The following ZNF660 variants were observed in gnomAD, a reference collection of about 807,000 sequenced individuals.
ZNF660 encodes the protein zinc finger protein 660.
Under a neutral mutation model 23.2 loss-of-function variants are expected in ZNF660, and 24 were observed. That is an observed-to-expected ratio of 1.04 (90% CI 0.75 to 1.46). The LOEUF is 1.46. ZNF660 is among the 40% of genes most tolerant of loss of function. ZNF660 has a pLI of 0.00. For synonymous variants in ZNF660, 117 were observed against 131.4 expected, an observed-to-expected ratio of 0.89 and a Z score of 0.75; for missense variants, 373 against 396.8, an observed-to-expected ratio of 0.94 and a Z score of 0.51.
intron 2 of ZNF660, among the ~76,000 whole-genome samples, chr3:44,587,716 T>C (rs1700271766): frequency 1.3e-5 from 2 of 152,202 alleles, no homozygotes; most frequent in Non-Finnish European, 1.5e-5. Flanking sequence ...CATTTCTCTT[T>C]CTCCCTACCT....
At chr3:44,592,596 A>G (rs1700462223) in intron 2 of ZNF660, among the ~76,000 whole-genome samples, 1 of 152,190 alleles carries the variant, frequency 6.6e-6, no homozygotes, top group East Asian at 1.9e-4. Context: ...CCATCCTTAG[A>G]TACTTTACTA....
chr3:44,594,652 CA>C lies in ZNF660; in HGVS notation c.460del (p.Arg154GlufsTer76). 1 of 1,612,960 alleles carries C rather than the reference CA, an allele frequency of 6.2e-7. No homozygotes were observed. Among genetic ancestry groups the C allele is most frequent in the African/African-American group, 1.3e-5 (1 of 74,618 alleles). On this transcript the variant is annotated frameshift_variant, in exon 3 of 3. Transcript: ENST00000322734. LOFTEE classifies it high-confidence loss of function. ...GGAGTTCGGGCCTTATATCACATCACAGAGTTCACACCGGAGAGAAGCCCTA... is the reference window on the plus strand; with the variant it reads ...GGAGTTCGGGCCTTATATCACATCACGAGTTCACACCGGAGAGAAGCCCTA... Reference protein sequence around the residue: ...SRSSGLISHHRVHTGEKPYSC... With the variant: ...SRSSGLISHHXVHTGEKPYSC...
intron 1 of ZNF660, among the ~76,000 whole-genome samples, chr3:44,585,695 T>G (rs1700207213): frequency 6.6e-6 from 1 of 152,186 alleles, no homozygotes; most frequent in Non-Finnish European, 1.5e-5. Context: ...CTTTCTGTCT[T>G]CCTAAAGACA....
Position 44,588,383 on chromosome 3 carries a change from G to A in ZNF660, c.-181+2170G>A, listed in dbSNP as rs530966760. Among the ~76,000 whole-genome samples, 6 of 152,232 alleles carry A rather than the reference G, an allele frequency of 3.9e-5. No individual in the cohort carries two copies. In the South Asian group the frequency reaches 1.2e-3, roughly 32 times the overall value. On this transcript the variant is annotated intron_variant, in intron 2 of 2. Transcript: ENST00000322734. ...ATGAGAAATCTACCCCCACGATCCA[G>A]TCACCTCCCAACAGGCCCACCTCCA...
rs147331267 is a variant in ZNF660 at position 44,597,108 on chromosome 3, C to T, written c.*1919C>T. The T allele has an allele frequency of 1.3e-5, 2 of 152,164 alleles. No individual in the cohort carries two copies. Among genetic ancestry groups the T allele is most frequent in the Admixed American group, 6.5e-5 (1 of 15,278 alleles). The allele number at this position is 152,164 out of a possible 1,614,324, so 9.4% of individuals were successfully genotyped here. A position where few individuals can be genotyped will look rare whatever the true frequency, so the allele number is the denominator to read the frequency against. ...TCTATTATACAAGAAAATTGAGTGT[C>T]ATTGAGGTTAGGTGACTGGCTAGTA... On this transcript the variant is annotated 3_prime_UTR_variant, in exon 3 of 3. Transcript: ENST00000322734. The surrounding 1 kb of genome is among the most constrained non-coding windows in gnomAD (Gnocchi z 4.1).
rs750395195 is a variant in ZNF660 at position 44,595,061 on chromosome 3, A to G, written c.868A>G (p.Ile290Val). ...GKTFRQTSQV[I>V]LHLRTHTKEK... ...AACCTTCAGGCAGACTTCTCAAGTT[A>G]TTCTACACTTGAGAACCCACACTAA... Residue 290 changes from isoleucine to valine, a missense_variant, in exon 3 of 3, where the codon ATT becomes GTT. Ile to Val is a conservative substitution (Grantham distance 29). Coordinates refer to ENST00000322734, the MANE Select transcript of ZNF660 (RefSeq NM_173658.4). The G allele has an allele frequency of 6.2e-7, 1 of 1,613,978 alleles. No homozygotes were observed. Among genetic ancestry groups the G allele is most frequent in the East Asian group, 2.2e-5 (1 of 44,846 alleles).
rs565147313 is a variant in ZNF660 at position 44,596,272 on chromosome 3, C to G, written c.*1083C>G. ...GTTTTGGACAAGTCACTTAACTGCT[C>G]TGAGCCTCAGACCTGTGTGTAAAAA... On this transcript the variant is annotated 3_prime_UTR_variant, in exon 3 of 3. Transcript: ENST00000322734. 1.3e-5 allele frequency: 2 copies of G among 152,332 alleles called. No individual in the cohort carries two copies. The highest frequency in any genetic ancestry group is 4.1e-4 in the South Asian group (2 of 4,828). The allele number at this position is 152,332 out of a possible 1,614,324, so 9.4% of individuals were successfully genotyped here. A position where few individuals can be genotyped will look rare whatever the true frequency, so the allele number is the denominator to read the frequency against.
rs1700657621 is a variant in ZNF660, at chr3:44,597,704, A to G, written c.*2515A>G. The G allele has an allele frequency of 6.6e-6, 1 of 152,196 alleles. No individual in the cohort carries two copies. The highest frequency in any genetic ancestry group is 1.5e-5 in the Non-Finnish European group (1 of 68,038). 9.4% of individuals were successfully genotyped at this position (152,196 alleles called of 1,614,324 possible). Reference sequence around the variant, plus strand: ...TTCACCACCATGTCATAGTGCCTAAAACTCTTTATTTAGATAGGCTTTCTT... The same window carrying G: ...TTCACCACCATGTCATAGTGCCTAAGACTCTTTATTTAGATAGGCTTTCTT... On this transcript the variant is annotated 3_prime_UTR_variant, in exon 3 of 3. Coordinates refer to ENST00000322734, the MANE Select transcript of ZNF660 (RefSeq NM_173658.4). This position sits in a 1 kb window ranked among gnomAD's most constrained non-coding sequence, Gnocchi z 4.1.
At chr3:44,593,332 A>C (rs1373795606) in intron 2 of ZNF660, among the ~76,000 whole-genome samples, 1 of 152,234 alleles carries the variant, frequency 6.6e-6, no homozygotes, top group Non-Finnish European at 1.5e-5. Context: ...GGTTAGCAAG[A>C]ACTAAAAGCC....
intron 2 of ZNF660, among the ~76,000 whole-genome samples, chr3:44,593,504 A>C (rs1253469107): frequency 6.6e-6 from 1 of 152,066 alleles, no homozygotes; most frequent in Non-Finnish European, 1.5e-5. Context: ...ACCTGAGGTC[A>C]GGAGTTCAAG....
intron 2 of ZNF660, among the ~76,000 whole-genome samples, chr3:44,589,140 G>T (rs1005310702): frequency 6.6e-6 from 1 of 152,182 alleles, no homozygotes; most frequent in Non-Finnish European, 1.5e-5. Context: ...AGACCCTCCA[G>T]TGTTCACCTG....
intron 2 of ZNF660, among the ~76,000 whole-genome samples, chr3:44,588,793 A>T (rs1335213126): frequency 6.6e-6 from 1 of 152,112 alleles, no homozygotes; most frequent in East Asian, 1.9e-4. Flanking sequence ...ATACATTTTC[A>T]TGACTCCCTC....
chr3:44,593,072 G>A (rs1239490557), intron 2 of ZNF660, among the ~76,000 whole-genome samples: 1 of 151,706 alleles, frequency 6.6e-6, no homozygotes, highest in South Asian at 2.1e-4. Context: ...AAAAAAACTG[G>A]GTCCAACTAT....
chr3:44,591,709 T>C (rs1700434071), intron 2 of ZNF660, among the ~76,000 whole-genome samples: 1 of 152,112 alleles, frequency 6.6e-6, no homozygotes, highest in Admixed American at 6.6e-5. Context: ...AAAAATTAAG[T>C]GGAGGCTGGG....
At chr3:44,592,591 C>G (rs1310228355) in intron 2 of ZNF660, among the ~76,000 whole-genome samples, 2 of 152,144 alleles carry the variant, frequency 1.3e-5, no homozygotes, top group South Asian at 4.1e-4. Flanking sequence ...TTTTGCCATC[C>G]TTAGATACTT....
rs1202322808 is a variant in ZNF660 at position 44,594,719 on chromosome 3, A to G, written c.526A>G (p.Asn176Asp). ...TGGGAAAGCCTTTAGCCGTAGTTCA[A>G]ACCTTACTCAACATCAGCGAATGCA... ...ECGKAFSRSS[N>D]LTQHQRMHRG... Residue 176 changes from asparagine (N) to aspartate (D), a missense_variant, in exon 3 of 3, where the codon AAC becomes GAC. Physicochemically the swap from Asn to Asp is conservative, Grantham distance 23. Transcript: ENST00000322734. 6.2e-7 allele frequency: 1 copy of G among 1,613,512 alleles called. No homozygotes were observed. The highest frequency in any genetic ancestry group is 1.3e-5 in the African/African-American group (1 of 74,764).
Position 44,589,475 on chromosome 3 carries a change from C to T in ZNF660, c.-181+3262C>T, listed in dbSNP as rs375722685. Among the ~76,000 whole-genome samples the T allele has an allele frequency of 4.3e-4, 66 of 152,298 alleles. 2 individuals are homozygous for T. In the South Asian group the frequency reaches 0.013, roughly 31 times the overall value. ...CATGTGTTATCCCAGCTGCCTCTCT[C>T]CTCTGTTTTCCATTTCATTAAGCTG... is the stretch of plus-strand genomic sequence containing the variant. On this transcript the variant is annotated intron_variant, in intron 2 of 2. Coordinates refer to ENST00000322734, the MANE Select transcript of ZNF660 (RefSeq NM_173658.4).
chr3:44,599,009 C>G lies in ZNF660; in HGVS notation c.*3820C>G, dbSNP rs562681377. The G allele has an allele frequency of 1.3e-5, 2 of 152,104 alleles. No homozygotes were observed. Among genetic ancestry groups the G allele is most frequent in the South Asian group, 4.1e-4 (2 of 4,822 alleles). The allele number at this position is 152,104 out of a possible 1,614,324, so 9.4% of individuals were successfully genotyped here. A position where few individuals can be genotyped will look rare whatever the true frequency, so the allele number is the denominator to read the frequency against. On this transcript the variant is annotated 3_prime_UTR_variant, in exon 3 of 3. Transcript: ENST00000322734. Reference sequence around the variant, plus strand: ...GCAAGACCCTGTCTCAGAAACAAAACAGTACAAAACAAAAAACCCACAAAA... The same window carrying G: ...GCAAGACCCTGTCTCAGAAACAAAAGAGTACAAAACAAAAAACCCACAAAA...
At chr3:44,587,070 T>C (rs181947698) in intron 2 of ZNF660, 2 of 152,360 alleles carry the variant, frequency 1.3e-5, no homozygotes, top group East Asian at 3.9e-4. Flanking sequence ...TTTCTTCTAA[T>C]TCTTTTTTTT....
Sources: allele counts gnomAD v4.1 joint callset (sites outside exome capture counted in the v4.1 genomes callset), GRCh38; gene constraint gnomAD v4.1.1; non-coding constraint Gnocchi (gnomAD v3.1); transcripts MANE v1.5; gene names NCBI Gene and HGNC (gene_info 2026-07-23, HGNC 2026-07-21).